The following PTPRN2 variants were observed in gnomAD, a reference collection of about 807,000 sequenced individuals.
PTPRN2 encodes the protein protein tyrosine phosphatase receptor type N2.
In PTPRN2, 74 loss-of-function variants were observed where a neutral mutation model predicts 118.8. The observed-to-expected ratio is 0.62, with a 90% CI of 0.52 to 0.76. PTPRN2 has a LOEUF of 0.76. PTPRN2 is among the 30% of genes least tolerant of loss of function. PTPRN2 has a pLI of 0.00. For synonymous variants in PTPRN2, 641 were observed against 608.0 expected (o/e 1.05, Z -0.80); for missense variants, 1,481 against 1,394.4 (o/e 1.06, Z -0.99).
chr7:158,297,603 T>C (rs1449216201), intron 3 of PTPRN2, among the ~76,000 whole-genome samples: 1 of 152,204 alleles, frequency 6.6e-6, no homozygotes, highest in Non-Finnish European at 1.5e-5. Flanking sequence ...TTCAGAGTCA[T>C]TAAGGACAGG....
Position 157,603,148 on chromosome 7 carries a change from CCCG to C in PTPRN2, c.2418+851_2418+853del, listed in dbSNP as rs1388525138. On this transcript the variant is annotated intron_variant, in intron 16 of 22. Coordinates refer to ENST00000389418, the MANE Select transcript of PTPRN2 (RefSeq NM_002847.5). The surrounding 1 kb of genome is among the most constrained non-coding windows in gnomAD (Gnocchi z 5.4). ...GCCCTGGACAGTGTCCCATCCCGCCCCCGCCACCTGCCACCATCACTGCTCATC... is the reference window on the plus strand; with the variant it reads ...GCCCTGGACAGTGTCCCATCCCGCCCCCACCTGCCACCATCACTGCTCATC... Among the ~76,000 whole-genome samples, 3 of 152,116 alleles carry C rather than the reference CCCG, an allele frequency of 2.0e-5. No individual in the cohort carries two copies. The highest frequency in any genetic ancestry group is 7.2e-5 in the African/African-American group (3 of 41,432).
chr7:157,615,590 G>A lies in PTPRN2; in HGVS notation c.2344+5772C>T. 2 of 471,230 alleles carry A rather than the reference G, an allele frequency of 4.2e-6. No individual in the cohort carries two copies. The highest frequency in any genetic ancestry group is 3.1e-5 in the South Asian group (2 of 64,562). 29.2% of individuals were successfully genotyped at this position (471,230 alleles called of 1,614,324 possible). On this transcript the variant is annotated intron_variant, in intron 15 of 22. Transcript: ENST00000389418. The surrounding 1 kb of genome is among the most constrained non-coding windows in gnomAD (Gnocchi z 4.3). ...ACCAGCGCCTGGGAAGTCCCGCGGT[G>A]GATCCGCGTCACGGGGGAGGATTGG...
chr7:158,188,236 T>TCGCCCCC (rs1825378251), intron 5 of PTPRN2, among the ~76,000 whole-genome samples: 5 of 61,410 alleles, frequency 8.1e-5, no homozygotes, highest in Admixed American at 2.0e-4. Context: ...GCCGCCACGC[T>TCGCCCCC]TGCCCCGCGA....
intron 3 of PTPRN2, among the ~76,000 whole-genome samples, chr7:158,260,520 A>G (rs935634123): frequency 6.6e-6 from 1 of 152,236 alleles, no homozygotes; most frequent in Non-Finnish European, 1.5e-5. Context: ...GTCTATTTGA[A>G]TAAAGCCCAG....
intron 12 of PTPRN2, among the ~76,000 whole-genome samples, chr7:157,799,789 ACAAT>A (rs1805115870): frequency 8.4e-6 from 1 of 119,480 alleles, no homozygotes; most frequent in Non-Finnish European, 1.8e-5. Flanking sequence ...CAGAGTCACC[ACAAT>A]CGGCCTACCC....
intron 2 of PTPRN2, among the ~76,000 whole-genome samples, chr7:158,337,472 C>A (rs545058183): frequency 1.3e-5 from 2 of 150,182 alleles, no homozygotes. Flanking sequence ...CACACTCTCA[C>A]CATAAGAGGT....
chr7:157,662,479 A>G (rs1001492248), intron 13 of PTPRN2, among the ~76,000 whole-genome samples: 1 of 152,166 alleles, frequency 6.6e-6, no homozygotes, highest in Non-Finnish European at 1.5e-5. Context: ...GATGGGAATG[A>G]CAGCAACAGC....
At position 157,861,579 on chromosome 7, in the gene PTPRN2, G is replaced by A. The variant is rs1200261091; in HGVS notation, c.1788+37094C>T. ...CTGTACTCAAAGCCGAGCTGTGTGA[G>A]GCTTTTGGGGCTGCCAGAACAAAGG... On this transcript the variant is annotated intron_variant, in intron 12 of 22. Transcript: ENST00000389418. The surrounding 1 kb of genome is among the most constrained non-coding windows in gnomAD (Gnocchi z 5.8). Among the ~76,000 whole-genome samples, 1 of 152,226 alleles carries A rather than the reference G, an allele frequency of 6.6e-6. No homozygotes were observed. Among genetic ancestry groups the A allele is most frequent in the Non-Finnish European group, 1.5e-5 (1 of 68,050 alleles).
At chr7:157,709,661 G>A (rs2150884744) in intron 12 of PTPRN2, among the ~76,000 whole-genome samples, 1 of 152,350 alleles carries the variant, frequency 6.6e-6, no homozygotes, top group South Asian at 2.1e-4. Flanking sequence ...ACATGGGAAG[G>A]AGCTTAGGGT....
At chr7:158,106,094 C>T (rs1050366170) in intron 10 of PTPRN2, among the ~76,000 whole-genome samples, 1 of 152,136 alleles carries the variant, frequency 6.6e-6, no homozygotes, top group Non-Finnish European at 1.5e-5. Flanking sequence ...CATCACTGCT[C>T]CATTCTAGCT....
At chr7:158,085,954 C>T (rs1048407995) in intron 10 of PTPRN2, among the ~76,000 whole-genome samples, 2 of 152,070 alleles carry the variant, frequency 1.3e-5, no homozygotes, top group South Asian at 2.1e-4. Flanking sequence ...ATACACGACG[C>T]CCATCCACAC....
chr7:157,584,660 G>C (rs1331264416), intron 17 of PTPRN2, among the ~76,000 whole-genome samples: 1 of 152,228 alleles, frequency 6.6e-6, no homozygotes, highest in Non-Finnish European at 1.5e-5. Context: ...GCGTCCTCTC[G>C]TGGGCTGAAC....
At position 157,540,781 on chromosome 7, in the gene PTPRN2, T is replaced by C; in HGVS notation, c.2981A>G (p.Gln994Arg). 6.4e-7 allele frequency: 1 copy of C among 1,563,498 alleles called. No individual in the cohort carries two copies. Among genetic ancestry groups the C allele is most frequent in the Non-Finnish European group, 8.7e-7 (1 of 1,153,526 alleles). ...CACGGCTGTCAGCGCGAACTCAAAC[T>C]GCTCCTGCAGGGCGAGAAACGAGAG... ...QRPGMVQTKE[Q>R]FEFALTAVAE... Residue 994 changes from glutamine (Q) to arginine (R), a missense_variant, in exon 23 of 23, where the codon CAG becomes CGG. This residue lies in a region of PTPRN2 where 362 missense variants were observed against 384.1 expected (regional missense o/e 0.94). Coordinates refer to ENST00000389418, the MANE Select transcript of PTPRN2 (RefSeq NM_002847.5).
chr7:158,391,143 C>G (rs4909078), intron 2 of PTPRN2, among the ~76,000 whole-genome samples: 61,388 of 152,218 alleles, frequency 0.4, 13,989 homozygotes, highest in East Asian at 0.76. Context: ...ACAAATACTT[C>G]TTATTCCAAA....
chr7:158,309,642 A>G (rs150261097), intron 3 of PTPRN2, among the ~76,000 whole-genome samples: 2,632 of 152,342 alleles, frequency 0.017, 22 homozygotes, highest in Middle Eastern at 0.031. Flanking sequence ...CGGACATAAA[A>G]ATTCTCAACG....
intron 4 of PTPRN2, among the ~76,000 whole-genome samples, chr7:158,194,407 C>T (rs1826045659): frequency 6.6e-6 from 1 of 152,228 alleles, no homozygotes; most frequent in African/African-American, 2.4e-5. Context: ...GGCTCTGCTG[C>T]CCACAGACAA....
At chr7:158,229,764 A>T (rs1563629460) in intron 3 of PTPRN2, among the ~76,000 whole-genome samples, 1 of 152,034 alleles carries the variant, frequency 6.6e-6, no homozygotes, top group Non-Finnish European at 1.5e-5. Flanking sequence ...CAAAACATCA[A>T]ATATAAGAAT....
intron 6 of PTPRN2, among the ~76,000 whole-genome samples, chr7:158,143,210 C>T (rs1051409343): frequency 2.0e-5 from 3 of 152,162 alleles, no homozygotes; most frequent in African/African-American, 4.8e-5. Context: ...GTGCAGGGAT[C>T]GGGAGGAAGA....
In PTPRN2 at chr7:157,973,820, G is replaced by A. The variant is rs139904450; in HGVS notation, c.1724-75083C>T. ...ATAGCATGCTTTTAGAAGACCACGC[G>A]GCATGGAAAGCAGTCTCTAGCGCTG... is the stretch of plus-strand genomic sequence containing the variant. On this transcript the variant is annotated intron_variant, in intron 11 of 22. Transcript: ENST00000389418. Among the ~76,000 whole-genome samples, 552 of 152,282 alleles carry A rather than the reference G, an allele frequency of 3.6e-3. 11 individuals carry two copies. The highest frequency in any genetic ancestry group is 0.03 in the Admixed American group (465 of 15,300).
Sources: gnomAD v4.1 joint callset for allele counts (sites outside exome capture counted in the v4.1 genomes callset) on GRCh38, gnomAD v4.1.1 for gene constraint, gnomAD v4.1.1 regional missense constraint, Gnocchi (gnomAD v3.1) non-coding constraint, MANE v1.5 for transcripts, NCBI Gene and HGNC (gene_info 2026-07-23, HGNC 2026-07-21) for gene names.